The following AXDND1 variants were observed in gnomAD, a reference collection of about 807,000 sequenced individuals.
The protein encoded by AXDND1 is axonemal dynein light chain domain-containing protein 1.
A neutral mutation model predicts 137.5 loss-of-function variants in AXDND1; 110 were observed. That is an observed-to-expected ratio of 0.80 (90% CI 0.69 to 0.94). The LOEUF is 0.94. Ranked by LOEUF, AXDND1 falls within the 40% of genes least tolerant of loss-of-function variation. The pLI is 0.00. For synonymous variants in AXDND1, 414 were observed against 399.7 expected (o/e 1.04, Z -0.43); for missense variants, 1,191 against 1,169.8 (o/e 1.02, Z -0.26).
rs369586960 is a variant in AXDND1 at position 179,393,971 on chromosome 1, C to T, written c.932C>T (p.Thr311Ile). Reference sequence around the variant, plus strand: ...ATTGATTTCTACAAAGACTTGGTAACTCAGCGAGTGATGGACCAGCGCATT... The same window carrying T: ...ATTGATTTCTACAAAGACTTGGTAATTCAGCGAGTGATGGACCAGCGCATT... The part of the protein sequence containing the change: ...QMIDFYKDLV[T>I]QRVMDQRILE... Residue 311 changes from threonine to isoleucine, a missense_variant, in exon 10 of 26, where the codon ACT (threonine) becomes ATT (isoleucine). Physicochemically the swap from Thr to Ile is moderately conservative, Grantham distance 89. Coordinates refer to ENST00000367618, the MANE Select transcript of AXDND1 (RefSeq NM_144696.6). 6.2e-7 allele frequency: 1 copy of T among 1,611,712 alleles called. No individual in the cohort carries two copies. The highest frequency in any genetic ancestry group is 1.3e-5 in the African/African-American group (1 of 74,728).
intron 15 of AXDND1, among the ~76,000 whole-genome samples, chr1:179,444,700 CTT>C (rs57923612): frequency 0.094 from 13,732 of 146,176 alleles, 810 homozygotes; most frequent in African/African-American, 0.17. Flanking sequence ...CTTATCACTA[CTT>C]TTTTTTTTTT....
chr1:179,456,727 C>A (rs1661459620), intron 16 of AXDND1: 1 of 783,742 alleles, frequency 1.3e-6, no homozygotes, highest in Non-Finnish European at 2.3e-6. Flanking sequence ...CCTCCATGAC[C>A]ACCACCAAAG....
Position 179,370,074 on chromosome 1 carries a change from G to A in AXDND1, c.370G>A (p.Gly124Arg), listed in dbSNP as rs142436492. The A allele has an allele frequency of 3.0e-5, 48 of 1,606,342 alleles. No homozygotes were observed. The highest frequency in any genetic ancestry group is 3.8e-5 in the Non-Finnish European group (45 of 1,173,626). ...CCATCCCGTCTCCCTCACAGGAGCT[G>A]GAAGGTAAAGAAGGAAGATAGTAGG... ...IDHPVSLTGA[G>R]RDISFLYDVT... Residue 124 changes from glycine to arginine, a missense_variant, in exon 4 of 26, where the codon GGA becomes AGA. Transcript: ENST00000367618.
At chr1:179,404,791 CCCT>C (rs1652677051) in intron 11 of AXDND1, among the ~76,000 whole-genome samples, 1 of 151,980 alleles carries the variant, frequency 6.6e-6, no homozygotes, top group Non-Finnish European at 1.5e-5. Flanking sequence ...AAGAAGAATT[CCCT>C]CCTCTTCAAT....
At chr1:179,433,709 T>G (rs1657720241) in intron 15 of AXDND1, among the ~76,000 whole-genome samples, 1 of 152,220 alleles carries the variant, frequency 6.6e-6, no homozygotes, top group African/African-American at 2.4e-5. Context: ...CTAATTTGAT[T>G]GCACTGTGGT....
intron 16 of AXDND1, chr1:179,447,786 C>T: frequency 1.5e-6 from 2 of 1,308,556 alleles, no homozygotes; most frequent in Admixed American, 1.7e-5. Context: ...ATTCATTCCC[C>T]ACTGGGCTGC....
chr1:179,463,385 T>TGAACAA (rs1378157164), intron 16 of AXDND1, among the ~76,000 whole-genome samples: 3 of 152,214 alleles, frequency 2.0e-5, no homozygotes, highest in African/African-American at 7.2e-5. Context: ...TACCCAGTAG[T>TGAACAA]CATTCAGGAG....
chr1:179,488,051 G>GT (rs68123025), intron 18 of AXDND1, among the ~76,000 whole-genome samples: 115,013 of 138,152 alleles, frequency 0.83, 49,425 homozygotes, highest in East Asian at 0.9. Flanking sequence ...TTATGCAAAG[G>GT]TTTTTTTTAA....
intron 16 of AXDND1, among the ~76,000 whole-genome samples, chr1:179,466,492 G>T (rs1663219748): frequency 6.6e-6 from 1 of 151,122 alleles, no homozygotes; most frequent in South Asian, 2.1e-4. Flanking sequence ...TTAACTTTCT[G>T]GTAAACATCC....
At chr1:179,457,607 T>A (rs1261456560) in intron 16 of AXDND1, among the ~76,000 whole-genome samples, 2 of 152,178 alleles carry the variant, frequency 1.3e-5, no homozygotes, top group Non-Finnish European at 2.9e-5. Context: ...CAGTATTCAT[T>A]TAGATTTATC....
chr1:179,379,281 A>G, intron 5 of AXDND1, 116 bp from the exon 6 acceptor site: 1 of 1,141,904 alleles, frequency 8.8e-7, no homozygotes, highest in African/African-American at 1.6e-5. Context: ...TCTCCAATCA[A>G]AATTTTTCAA....
At chr1:179,524,401 A>G (rs190533537) in intron 21 of AXDND1, among the ~76,000 whole-genome samples, 106 of 152,202 alleles carry the variant, frequency 7.0e-4, no homozygotes, top group African/African-American at 2.0e-3. Context: ...TCAGATCTCT[A>G]TTTTTAGCCC....
At chr1:179,537,622 A>G (rs1354718177) in intron 25 of AXDND1, among the ~76,000 whole-genome samples, 1 of 152,148 alleles carries the variant, frequency 6.6e-6, no homozygotes, top group Non-Finnish European at 1.5e-5. Context: ...TTTTCTCATC[A>G]ATGTTCATCA....
At chr1:179,472,017 C>T (rs948459353) in intron 17 of AXDND1, among the ~76,000 whole-genome samples, 4 of 152,054 alleles carry the variant, frequency 2.6e-5, no homozygotes, top group South Asian at 4.1e-4. Context: ...GCCTCAGCCT[C>T]CCGAGTAGCT....
intron 17 of AXDND1, among the ~76,000 whole-genome samples, chr1:179,471,293 G>T (rs1158901629): frequency 6.6e-6 from 1 of 152,178 alleles, no homozygotes; most frequent in Non-Finnish European, 1.5e-5. Context: ...ATATTGTGAA[G>T]AATTGGTGTT....
intron 20 of AXDND1, among the ~76,000 whole-genome samples, chr1:179,504,443 G>C (rs1428879222): frequency 6.6e-6 from 1 of 152,062 alleles, no homozygotes; most frequent in East Asian, 1.9e-4. Context: ...CCTAAAAGTG[G>C]GTAGAGCTCT....
chr1:179,456,441 C>T (rs530980550), intron 16 of AXDND1: 4 of 767,652 alleles, frequency 5.2e-6, no homozygotes, highest in Admixed American at 1.7e-5. Context: ...TCCACTACCA[C>T]CACCAAAGCT....
At chr1:179,459,390 A>C (rs990810134) in intron 16 of AXDND1, among the ~76,000 whole-genome samples, 2 of 152,166 alleles carry the variant, frequency 1.3e-5, no homozygotes, top group African/African-American at 4.8e-5. Context: ...TAAAATTAAT[A>C]CATAGGATAA....
intron 16 of AXDND1, 140 bp from the exon 17 acceptor site, chr1:179,468,302 AG>A: frequency 1.7e-6 from 1 of 578,898 alleles, no homozygotes; most frequent in Admixed American, 3.4e-5. Context: ...GCTTTTTGTA[AG>A]GTTCTCTGCT....
Sources: gnomAD v4.1 joint callset for allele counts (sites outside exome capture counted in the v4.1 genomes callset) on GRCh38, gnomAD v4.1.1 for gene constraint, MANE v1.5 for transcripts, NCBI Gene and HGNC (gene_info 2026-07-23, HGNC 2026-07-21) for gene names.